Variants in COG5 observed in about 807,000 individuals in gnomAD.
COG5 encodes component of oligomeric golgi complex 5, also known as conserved oligomeric Golgi complex subunit 5.
Under a neutral mutation model 110.4 loss-of-function variants are expected in COG5, and 86 were observed. The ratio of observed to expected loss-of-function variants is 0.78; its 90% CI spans 0.65 to 0.93. The LOEUF is 0.93. Ranked by LOEUF, COG5 falls within the 40% of genes least tolerant of loss-of-function variation. The probability of loss-of-function intolerance (pLI) is 0.00; values close to 1 mark genes in which losing one functional copy is unlikely to be tolerated. For synonymous variants in COG5, 360 were observed against 334.6 expected (o/e 1.08, Z -0.83); for missense variants, 1,077 against 987.0 (o/e 1.09, Z -1.22).
chr7:107,357,076 C>T (rs547772803), intron 10 of COG5, among the ~76,000 whole-genome samples: 1 of 152,240 alleles, frequency 6.6e-6, no homozygotes, highest in South Asian at 2.1e-4. Flanking sequence ...GTCCCCAAAT[C>T]ATTCTAAAAA....
rs563104854 is a variant in COG5, at chr7:107,434,741, T to G, written c.539-22109A>C. On this transcript the variant is annotated intron_variant, in intron 6 of 21. Coordinates refer to ENST00000297135, the MANE Select transcript of COG5 (RefSeq NM_006348.5). ...ATCCCAGCACTTTGGGAGGCCAAGG[T>G]GGGCGGATCACTAGGTCAGGAGATC... Among the ~76,000 whole-genome samples the G allele has an allele frequency of 1.6e-4, 25 of 152,152 alleles. No homozygotes were observed. In the South Asian group the frequency reaches 1.9e-3, roughly 11 times the overall value.
chr7:107,530,615 A>AC (rs1175018887), intron 5 of COG5, among the ~76,000 whole-genome samples: 5 of 151,322 alleles, frequency 3.3e-5, no homozygotes, highest in African/African-American at 9.7e-5. Flanking sequence ...AAAAAAAAAA[A>AC]AAAAAAAAAA....
At chr7:107,268,827 A>C (rs1448968835) in intron 14 of COG5, among the ~76,000 whole-genome samples, 1 of 152,178 alleles carries the variant, frequency 6.6e-6, no homozygotes, top group Non-Finnish European at 1.5e-5. Flanking sequence ...TATTTGCCTG[A>C]AATATTTTTT....
At chr7:107,439,094 T>C (rs1442184643) in intron 6 of COG5, among the ~76,000 whole-genome samples, 1 of 152,094 alleles carries the variant, frequency 6.6e-6, no homozygotes, top group African/African-American at 2.4e-5. Context: ...TGCTACCCAA[T>C]CCCACGATCA....
Position 107,242,616 on chromosome 7 carries a change from G to A in COG5, c.1853+5780C>T, listed in dbSNP as rs550385095. On this transcript the variant is annotated intron_variant, in intron 17 of 21. Transcript: ENST00000297135. ...CCTTGTCACCCCTGGATTAATGAAG[G>A]AGCAAAGACCCTAAGTACCTTATCC... Among the ~76,000 whole-genome samples, 3 of 152,286 alleles carry A rather than the reference G, an allele frequency of 2.0e-5. No homozygotes were observed. In the South Asian group the frequency reaches 6.2e-4, roughly 32 times the overall value.
chr7:107,499,141 G>C (rs1798473782), intron 6 of COG5, among the ~76,000 whole-genome samples: 1 of 152,080 alleles, frequency 6.6e-6, no homozygotes, highest in Admixed American at 6.6e-5. Context: ...GCCAGGGGCT[G>C]GGGGAGAGGA....
intron 17 of COG5, among the ~76,000 whole-genome samples, chr7:107,237,137 T>C (rs1383917226): frequency 6.6e-6 from 1 of 152,212 alleles, no homozygotes; most frequent in Admixed American, 6.5e-5. Context: ...ATACAAATTC[T>C]TGGCAAAGAT....
At chr7:107,429,631 C>T (rs1793877230) in intron 6 of COG5, among the ~76,000 whole-genome samples, 1 of 152,064 alleles carries the variant, frequency 6.6e-6, no homozygotes, top group South Asian at 2.1e-4. Flanking sequence ...TGTCCCTACC[C>T]AAATCTTATC....
chr7:107,265,692 A>C (rs994924808), intron 14 of COG5, among the ~76,000 whole-genome samples: 1 of 152,248 alleles, frequency 6.6e-6, no homozygotes, highest in Non-Finnish European at 1.5e-5. Context: ...ATCCTATAAA[A>C]ATGTAAAATT....
chr7:107,463,487 A>G (rs1483535273), intron 6 of COG5, among the ~76,000 whole-genome samples: 1 of 152,242 alleles, frequency 6.6e-6, no homozygotes. Context: ...CAGCCCATGA[A>G]TAGGAGAATC....
At chr7:107,260,215 T>C (rs546601269) in intron 14 of COG5, among the ~76,000 whole-genome samples, 2 of 151,912 alleles carry the variant, frequency 1.3e-5, no homozygotes, top group Non-Finnish European at 2.9e-5. Flanking sequence ...ATGTAGAATA[T>C]CCACGCAATG....
At chr7:107,421,206 C>T (rs181097377) in intron 6 of COG5, among the ~76,000 whole-genome samples, 4 of 152,294 alleles carry the variant, frequency 2.6e-5, no homozygotes, top group African/African-American at 9.6e-5. Context: ...ATCCCTCCAT[C>T]GTCAACAGAA....
chr7:107,429,926 T>A (rs1180510898), intron 6 of COG5, among the ~76,000 whole-genome samples: 2 of 152,198 alleles, frequency 1.3e-5, no homozygotes, highest in African/African-American at 2.4e-5. Flanking sequence ...TATGTCTTTA[T>A]CAGTAGCATG....
intron 14 of COG5, among the ~76,000 whole-genome samples, chr7:107,271,157 A>G (rs2189500): frequency 0.63 from 95,084 of 151,788 alleles, 31,973 homozygotes; most frequent in African/African-American, 0.89. Flanking sequence ...TGAGGCAGAA[A>G]GATCCCTTGA....
chr7:107,237,920 AAAAC>A (rs1801327179), intron 17 of COG5, among the ~76,000 whole-genome samples: 3 of 152,190 alleles, frequency 2.0e-5, no homozygotes, highest in Admixed American at 6.5e-5. Flanking sequence ...CCAGGCTGCA[AAAAC>A]AAACAAATAA....
rs568167774 is a variant in COG5, at chr7:107,204,274, A to G, written c.2376-644T>C. On this transcript the variant is annotated intron_variant, in intron 21 of 21. Transcript: ENST00000297135. ...CTGCCTGCAGGCTGAATCTAGCCTG[A>G]TGCTTGTTCATTTATATATTGTCTG... 2.6e-5 allele frequency among the ~76,000 whole-genome samples: 4 copies of G among 152,264 alleles called. No individual in the cohort carries two copies. In the South Asian group the frequency reaches 8.3e-4, roughly 32 times the overall value.
intron 2 of COG5, among the ~76,000 whole-genome samples, chr7:107,555,855 T>C (rs776664965): frequency 6.6e-6 from 1 of 151,802 alleles, no homozygotes; most frequent in Non-Finnish European, 1.5e-5. Context: ...CTACTAAAAA[T>C]ACAAAAAAAT....
chr7:107,215,847 C>CTCT (rs1799491789), intron 19 of COG5, among the ~76,000 whole-genome samples: 1 of 151,528 alleles, frequency 6.6e-6, no homozygotes, highest in Non-Finnish European at 1.5e-5. Flanking sequence ...GTAGCTGGGA[C>CTCT]TAGAGGCGCC....
chr7:107,554,110 C>T (rs1803119840), intron 3 of COG5, among the ~76,000 whole-genome samples, 175 bp downstream of exon 3: 1 of 152,218 alleles, frequency 6.6e-6, no homozygotes, highest in Non-Finnish European at 1.5e-5. Context: ...TAGCCACACA[C>T]ATTTGTTTTC....
Sources: allele counts gnomAD v4.1 joint callset (sites outside exome capture counted in the v4.1 genomes callset), GRCh38; gene constraint gnomAD v4.1.1; transcripts MANE v1.5; gene names NCBI Gene and HGNC (gene_info 2026-07-23, HGNC 2026-07-21).